Variants in OR6A2 observed in about 807,000 individuals in gnomAD.
OR6A2 encodes the protein olfactory receptor 6A2.
Under a neutral mutation model 7.1 loss-of-function variants are expected in OR6A2, and 6 were observed. The ratio of observed to expected loss-of-function variants is 0.85; its 90% CI spans 0.46 to 1.68. The LOEUF is 1.68. OR6A2 is among the 40% of genes most tolerant of loss of function. OR6A2 has a pLI of 0.01. For synonymous variants in OR6A2, 162 were observed against 152.1 expected (o/e 1.06, Z -0.48); for missense variants, 431 against 398.0 (o/e 1.08, Z -0.71).
At position 6,793,466 on chromosome 11, in the gene OR6A2, T is replaced by C. The variant is rs1847711916; in HGVS notation, c.*1259A>G. ...TTCTGAAAATCATACTGACATACCCTGTATCCATCTCCCTGTCCAGATAAA... is the reference window on the plus strand; with the variant it reads ...TTCTGAAAATCATACTGACATACCCCGTATCCATCTCCCTGTCCAGATAAA... On this transcript the variant is annotated 3_prime_UTR_variant, in exon 2 of 2. Transcript: ENST00000641196. 1 of 152,134 alleles carries C rather than the reference T, an allele frequency of 6.6e-6. No individual in the cohort carries two copies. Among genetic ancestry groups the C allele is most frequent in the Non-Finnish European group, 1.5e-5 (1 of 68,006 alleles). 9.4% of individuals were successfully genotyped at this position (152,134 alleles called of 1,614,324 possible). A position where few individuals can be genotyped will look rare whatever the true frequency, so the allele number is the denominator to read the frequency against.
At chr11:6,798,044 T>A (rs11822249) in intron 1 of OR6A2, among the ~76,000 whole-genome samples, 2,029 of 152,182 alleles carry the variant, frequency 0.013, 45 homozygotes, top group African/African-American at 0.047. Flanking sequence ...AGTCTATATA[T>A]CATTTTGCTT....
rs376316675 is a variant in OR6A2, at chr11:6,794,947, T to G, written c.762A>C (p.Ile254=). 2 of 1,614,066 alleles carry G rather than the reference T, an allele frequency of 1.2e-6. No individual in the cohort carries two copies. The highest frequency in any genetic ancestry group is 1.3e-5 in the African/African-American group (1 of 75,018). Residue 254 remains isoleucine, a synonymous_variant, in exon 2 of 2, where the codon ATA becomes ATC. Transcript: ENST00000641196. ...STCASHLTVV[I]IFYAASIFIY... ...TGAAGATACTGGCTGCATAGAAGATTATCACAACAGTGAGATGAGAGGCAC... is the reference window on the plus strand; with the variant it reads ...TGAAGATACTGGCTGCATAGAAGATGATCACAACAGTGAGATGAGAGGCAC...
At chr11:6,795,986 G>A in intron 1 of OR6A2, 102 bp from the exon 2 acceptor site, 2 of 319,754 alleles carry the variant, frequency 6.3e-6, no homozygotes, top group Non-Finnish European at 1.2e-5. Context: ...GATGCACTGG[G>A]GAAAAATGAC....
Position 6,795,900 on chromosome 11 carries a change from A to G in OR6A2, c.-176-16T>C. The G allele has an allele frequency of 1.8e-6, 1 of 564,048 alleles. No individual in the cohort carries two copies. Among genetic ancestry groups the G allele is most frequent in the South Asian group, 2.9e-5 (1 of 34,940 alleles). The allele number at this position is 564,048 out of a possible 1,614,324, so 34.9% of individuals were successfully genotyped here. On this transcript the variant is annotated splice_polypyrimidine_tract_variant and intron_variant, in intron 1 of 1. Transcript: ENST00000641196. ...TGGAAATGAGCTAAGGCAAACATAC[A>G]AAAATAAATGTTTTTTTTTTTTTGG...
rs1353937215 is a variant in OR6A2, at chr11:6,793,082, T to TAGAGGAGGACTCTCCCATCCCTG, written c.*1620_*1642dup. 3.3e-5 allele frequency: 5 copies of TAGAGGAGGACTCTCCCATCCCTG among 152,306 alleles called. No individual in the cohort carries two copies. The East Asian group carries it at 7.7e-4, about 23-fold the overall frequency. 9.4% of individuals were successfully genotyped at this position (152,306 alleles called of 1,614,324 possible). A position where few individuals can be genotyped will look rare whatever the true frequency, so the allele number is the denominator to read the frequency against. ...ATAAAAGAGTTGTAATAACAATGCC[T>TAGAGGAGGACTCTCCCATCCCTG]AGAGGAGGACTCTCCCATCCCTGAT... On this transcript the variant is annotated 3_prime_UTR_variant, in exon 2 of 2. Transcript: ENST00000641196.
At position 6,795,077 on chromosome 11, in the gene OR6A2, AT is replaced by A. The variant is rs1369807727; in HGVS notation, c.631del (p.Ile211PhefsTer3). On this transcript the variant is annotated frameshift_variant, in exon 2 of 2. Transcript: ENST00000641196. LOFTEE classifies it high-confidence loss of function. ...ELTDFILAIF[I>X]LLGPLSVTGA... Reference sequence around the variant, plus strand: ...AGTGACAGAGAGTGGCCCTAGAAGAATAAAAATGGCCAGGATGAAATCTGTA... The same window carrying A: ...AGTGACAGAGAGTGGCCCTAGAAGAAAAAAATGGCCAGGATGAAATCTGTA... The A allele has an allele frequency of 6.2e-7, 1 of 1,614,036 alleles. No individual in the cohort carries two copies. The highest frequency in any genetic ancestry group is 1.3e-5 in the African/African-American group (1 of 74,938).
Position 6,795,738 on chromosome 11 carries a change from A to G in OR6A2, c.-30T>C. On this transcript the variant is annotated 5_prime_UTR_variant, in exon 2 of 2. Coordinates refer to ENST00000641196, the MANE Select transcript of OR6A2 (RefSeq NM_003696.3). ...TTGGTCTCTCTTACTGCTCTTCAGGAGATGAGAGTAGAGAGTCTTCAGTAG... is the reference window on the plus strand; with the variant it reads ...TTGGTCTCTCTTACTGCTCTTCAGGGGATGAGAGTAGAGAGTCTTCAGTAG... 1 of 1,606,078 alleles carries G rather than the reference A, an allele frequency of 6.2e-7. No homozygotes were observed. The highest frequency in any genetic ancestry group is 8.5e-7 in the Non-Finnish European group (1 of 1,174,896).
chr11:6,794,737 G>C lies in OR6A2; in HGVS notation c.972C>G (p.Ser324Arg). ...QHQDPDPKKA[S>R]RNV ...TCACACATCCCTTCTATACATTTCT[G>C]CTAGCTTTCTTGGGGTCAGGATCCT... Residue 324 changes from serine to arginine, a missense_variant, in exon 2 of 2, where the codon AGC (serine) becomes AGG (arginine). By Grantham distance (110) the Ser-to-Arg change is moderately radical (BLOSUM62 -1). Coordinates refer to ENST00000641196, the MANE Select transcript of OR6A2 (RefSeq NM_003696.3). 3.7e-6 allele frequency: 6 copies of C among 1,613,666 alleles called. No homozygotes were observed. Among genetic ancestry groups the C allele is most frequent in the Non-Finnish European group, 5.1e-6 (6 of 1,179,768 alleles).
rs1847717315 is a variant in OR6A2 at position 6,794,036 on chromosome 11, G to A, written c.*689C>T. ...CCTGCACCTGCCAACCCCACATATA[G>A]GCATGACACACATGCCTTGCCTACA... On this transcript the variant is annotated 3_prime_UTR_variant, in exon 2 of 2. Coordinates refer to ENST00000641196, the MANE Select transcript of OR6A2 (RefSeq NM_003696.3). The A allele has an allele frequency of 2.0e-5, 3 of 152,134 alleles. No homozygotes were observed. Among genetic ancestry groups the A allele is most frequent in the Admixed American group, 2.0e-4 (3 of 15,270 alleles). 9.4% of individuals were successfully genotyped at this position (152,134 alleles called of 1,614,324 possible).
chr11:6,794,613 T>G lies in OR6A2; in HGVS notation c.*112A>C. Reference sequence around the variant, plus strand: ...AAAGAAAGTATTCCTAGTTCCATAGTGATGCCTTTGAAACTCTGGCCCCCA... The same window carrying G: ...AAAGAAAGTATTCCTAGTTCCATAGGGATGCCTTTGAAACTCTGGCCCCCA... On this transcript the variant is annotated 3_prime_UTR_variant, in exon 2 of 2. Coordinates refer to ENST00000641196, the MANE Select transcript of OR6A2 (RefSeq NM_003696.3). 1 of 1,343,734 alleles carries G rather than the reference T, an allele frequency of 7.4e-7. No individual in the cohort carries two copies. The highest frequency in any genetic ancestry group is 1.0e-6 in the Non-Finnish European group (1 of 976,050). The allele number at this position is 1,343,734 out of a possible 1,614,324, so 83.2% of individuals were successfully genotyped here.
In OR6A2 at chr11:6,794,719, T is replaced by A. The variant is rs372045643; in HGVS notation, c.*6A>T. On this transcript the variant is annotated 3_prime_UTR_variant, in exon 2 of 2. Coordinates refer to ENST00000641196, the MANE Select transcript of OR6A2 (RefSeq NM_003696.3). Reference sequence around the variant, plus strand: ...ATAGCATTTTATCAGATTTCACACATCCCTTCTATACATTTCTGCTAGCTT... The same window carrying A: ...ATAGCATTTTATCAGATTTCACACAACCCTTCTATACATTTCTGCTAGCTT... The A allele has an allele frequency of 2.5e-5, 40 of 1,610,470 alleles. No homozygotes were observed. The highest frequency in any genetic ancestry group is 3.1e-5 in the Non-Finnish European group (37 of 1,177,568).
In OR6A2 at chr11:6,793,887, T is replaced by C. The variant is rs951471122; in HGVS notation, c.*838A>G. On this transcript the variant is annotated 3_prime_UTR_variant, in exon 2 of 2. Transcript: ENST00000641196. The stretch of plus-strand genomic sequence containing the variant: ...GTAAAAGTGTCTATCTGCACAAATC[T>C]TTCCGAATCAGAATGGTTGCAATAT... The C allele has an allele frequency of 1.3e-5, 2 of 152,202 alleles. No individual in the cohort carries two copies. The highest frequency in any genetic ancestry group is 4.8e-5 in the African/African-American group (2 of 41,458). The allele number at this position is 152,202 out of a possible 1,614,324, so 9.4% of individuals were successfully genotyped here.
Position 6,795,078 on chromosome 11 carries a change from T to C in OR6A2, c.631A>G (p.Ile211Val), listed in dbSNP as rs1411283426. The C allele has an allele frequency of 6.2e-7, 1 of 1,613,920 alleles. No homozygotes were observed. Residue 211 changes from isoleucine to valine, a missense_variant, in exon 2 of 2, where the codon ATT (isoleucine) becomes GTT (valine). Transcript: ENST00000641196. ...ELTDFILAIF[I>V]LLGPLSVTGA... Reference sequence around the variant, plus strand: ...GTGACAGAGAGTGGCCCTAGAAGAATAAAAATGGCCAGGATGAAATCTGTA... The same window carrying C: ...GTGACAGAGAGTGGCCCTAGAAGAACAAAAATGGCCAGGATGAAATCTGTA...
chr11:6,794,460 T>C lies in OR6A2; in HGVS notation c.*265A>G, dbSNP rs887008232. ...AGCCTGTGCTTCCTTGATTGGAACC[T>C]TGTCTATGCAAATTACAAAGGGACA... On this transcript the variant is annotated 3_prime_UTR_variant, in exon 2 of 2. Transcript: ENST00000641196. 2.3e-6 allele frequency: 1 copy of C among 426,966 alleles called. No homozygotes were observed. The highest frequency in any genetic ancestry group is 4.2e-6 in the Non-Finnish European group (1 of 240,350). The allele number at this position is 426,966 out of a possible 1,614,324, so 26.4% of individuals were successfully genotyped here. A position where few individuals can be genotyped will look rare whatever the true frequency, so the allele number is the denominator to read the frequency against.
rs2133034072 is a variant in OR6A2 at position 6,794,380 on chromosome 11, T to A, written c.*345A>T. Reference sequence around the variant, plus strand: ...ACGCTAGAATGATATCTCCTGGGCCTCTGCTACCTAATAGAGATCTTATCA... The same window carrying A: ...ACGCTAGAATGATATCTCCTGGGCCACTGCTACCTAATAGAGATCTTATCA... On this transcript the variant is annotated 3_prime_UTR_variant, in exon 2 of 2. Transcript: ENST00000641196. 1 of 233,682 alleles carries A rather than the reference T, an allele frequency of 4.3e-6. No homozygotes were observed. The highest frequency in any genetic ancestry group is 2.2e-5 in the African/African-American group (1 of 44,798). The allele number at this position is 233,682 out of a possible 1,614,324, so 14.5% of individuals were successfully genotyped here. A position where few individuals can be genotyped will look rare whatever the true frequency, so the allele number is the denominator to read the frequency against.
chr11:6,794,709 A>G lies in OR6A2; in HGVS notation c.*16T>C. On this transcript the variant is annotated 3_prime_UTR_variant, in exon 2 of 2. Coordinates refer to ENST00000641196, the MANE Select transcript of OR6A2 (RefSeq NM_003696.3). ...CCCAAGTTTAATAGCATTTTATCAG[A>G]TTTCACACATCCCTTCTATACATTT... The G allele has an allele frequency of 6.2e-7, 1 of 1,607,478 alleles. No individual in the cohort carries two copies. Among genetic ancestry groups the G allele is most frequent in the Non-Finnish European group, 8.5e-7 (1 of 1,175,744 alleles).
At chr11:6,796,599 T>C (rs1847751172) in intron 1 of OR6A2, among the ~76,000 whole-genome samples, 1 of 152,206 alleles carries the variant, frequency 6.6e-6, no homozygotes, top group African/African-American at 2.4e-5. Flanking sequence ...AAATGGATGC[T>C]GGATGGCAGA....
In OR6A2 at chr11:6,794,437, C is replaced by G. The variant is rs1434039389; in HGVS notation, c.*288G>C. The G allele has an allele frequency of 1.9e-5, 7 of 367,324 alleles. No individual in the cohort carries two copies. The highest frequency in any genetic ancestry group is 1.9e-4 in the South Asian group (3 of 15,840). 22.8% of individuals were successfully genotyped at this position (367,324 alleles called of 1,614,324 possible). A position where few individuals can be genotyped will look rare whatever the true frequency, so the allele number is the denominator to read the frequency against. On this transcript the variant is annotated 3_prime_UTR_variant, in exon 2 of 2. Transcript: ENST00000641196. Reference sequence around the variant, plus strand: ...CTTGTGTTGCTTTTCCGTAATGAAGCCTGTGCTTCCTTGATTGGAACCTTG... The same window carrying G: ...CTTGTGTTGCTTTTCCGTAATGAAGGCTGTGCTTCCTTGATTGGAACCTTG...
Position 6,795,669 on chromosome 11 carries a change from C to T in OR6A2, c.40G>A (p.Val14Met). The T allele has an allele frequency of 6.2e-7, 1 of 1,614,036 alleles. No homozygotes were observed. Among genetic ancestry groups the T allele is most frequent in the Non-Finnish European group, 8.5e-7 (1 of 1,179,972 alleles). The change falls in exon 2 of 2, where the codon GTG becomes ATG. Residue 14 changes from valine (V) to methionine (M), a missense_variant. Coordinates refer to ENST00000641196, the MANE Select transcript of OR6A2 (RefSeq NM_003696.3). ...GCAGGAGCAGGGAAGCCCAGCAACA[C>T]AAACTCACTCACTCTCCCACTATGG... ...RNHSGRVSEF[V>M]LLGFPAPAPL...
Sources: allele counts gnomAD v4.1 joint callset (sites outside exome capture counted in the v4.1 genomes callset), GRCh38; gene constraint gnomAD v4.1.1; transcripts MANE v1.5; gene names NCBI Gene and HGNC (gene_info 2026-07-23, HGNC 2026-07-21).